Variants in WWTR1 observed in about 807,000 individuals in gnomAD.
WWTR1 encodes WW domain containing transcription regulator 1.
WWTR1 carries 13 observed loss-of-function variants against 40.1 expected under a neutral mutation model. The observed-to-expected ratio is 0.32, with a 90% CI of 0.21 to 0.52. The LOEUF (loss-of-function observed/expected upper bound fraction) is 0.52. WWTR1 is among the 20% of genes least tolerant of loss of function. WWTR1 has a pLI of 0.97. For synonymous variants in WWTR1, 230 were observed against 210.1 expected, an observed-to-expected ratio of 1.09 and a Z score of -0.82; for missense variants, 436 against 523.1, an observed-to-expected ratio of 0.83 and a Z score of 1.63.
At chr3:149,549,079 G>A (rs1004568328) in intron 3 of WWTR1, among the ~76,000 whole-genome samples, 3 of 152,152 alleles carry the variant, frequency 2.0e-5, no homozygotes, top group Admixed American at 2.0e-4. Flanking sequence ...ATGAAGGAGA[G>A]ACAAATCTCC....
intron 2 of WWTR1, 25 bp from the exon 3 acceptor site, chr3:149,573,025 A>T (rs371622113): frequency 6.4e-7 from 1 of 1,574,140 alleles, no homozygotes; most frequent in Admixed American, 2.0e-5. Context: ...ACAATTAATT[A>T]TCTTTTTAAT....
intron 1 of WWTR1, among the ~76,000 whole-genome samples, chr3:149,678,645 C>T (rs1384342967): frequency 6.6e-6 from 1 of 152,068 alleles, no homozygotes; most frequent in African/African-American, 2.4e-5. Flanking sequence ...TCTTTATGTA[C>T]CAGCTGCCAG....
chr3:149,651,448 A>C (rs1367489707), intron 2 of WWTR1, among the ~76,000 whole-genome samples: 2 of 152,216 alleles, frequency 1.3e-5, no homozygotes, highest in Non-Finnish European at 2.9e-5. Context: ...ACAGAACGAG[A>C]AAGGAATCTC....
At chr3:149,628,230 C>T (rs1208554828) in intron 2 of WWTR1, among the ~76,000 whole-genome samples, 36 of 151,940 alleles carry the variant, frequency 2.4e-4, no homozygotes, top group Admixed American at 1.0e-3. Context: ...ATTAGCTGGG[C>T]GTGGTGGCGG....
At chr3:149,678,252 T>C (rs957382481) in intron 1 of WWTR1, among the ~76,000 whole-genome samples, 2 of 152,194 alleles carry the variant, frequency 1.3e-5, no homozygotes, top group Non-Finnish European at 2.9e-5. Context: ...TTATAATTAC[T>C]GTGCAGCTAG....
rs370501407 is a variant in WWTR1 at position 149,640,669 on chromosome 3, C to T, written c.431+16207G>A. The stretch of plus-strand genomic sequence containing the variant: ...CTCCTGGCCTCAAGTAATCCACCCA[C>T]CTCGGCCTCCCAAAGTGCTGGTATT... On this transcript the variant is annotated intron_variant, in intron 2 of 6. Coordinates refer to ENST00000360632, the MANE Select transcript of WWTR1 (RefSeq NM_015472.6). Among the ~76,000 whole-genome samples the T allele has an allele frequency of 3.9e-5, 6 of 152,230 alleles. No homozygotes were observed. The South Asian group carries it at 1.0e-3, about 26-fold the overall frequency.
At chr3:149,522,897 CA>C (rs777751307) in intron 6 of WWTR1, among the ~76,000 whole-genome samples, 2 of 151,354 alleles carry the variant, frequency 1.3e-5, no homozygotes, top group African/African-American at 2.4e-5. Flanking sequence ...AACAAACAAA[CA>C]AAAAAACCCC....
Position 149,553,263 on chromosome 3 carries a change from G to T in WWTR1, c.569-10726C>A, listed in dbSNP as rs1462595622. 2.6e-5 allele frequency among the ~76,000 whole-genome samples: 4 copies of T among 152,256 alleles called. No homozygotes were observed. In the East Asian group the frequency reaches 5.8e-4, roughly 22 times the overall value. On this transcript the variant is annotated intron_variant, in intron 3 of 6. Transcript: ENST00000360632. ...CATGGATCACCAATTACTGCCCAAT[G>T]ATCACCAACGGATCACCAATCACTG...
At chr3:149,531,131 C>T (rs1044259630) in intron 4 of WWTR1, among the ~76,000 whole-genome samples, 4 of 152,100 alleles carry the variant, frequency 2.6e-5, no homozygotes, top group East Asian at 1.9e-4. Flanking sequence ...GATATGGTTG[C>T]GCCATGTTGC....
At chr3:149,712,882 G>A (rs1409836049) in intron 5 of WWTR1, among the ~76,000 whole-genome samples, 1 of 152,168 alleles carries the variant, frequency 6.6e-6, no homozygotes, top group African/African-American at 2.4e-5. Context: ...GCAAGATATA[G>A]ATATTATTAT....
chr3:149,692,824 G>T (rs1714868144), intron 1 of WWTR1, among the ~76,000 whole-genome samples: 1 of 151,958 alleles, frequency 6.6e-6, no homozygotes, highest in African/African-American at 2.4e-5. Flanking sequence ...TAGTAGAGAT[G>T]GGTTTTTACC....
chr3:149,530,080 G>A (rs1240438133), intron 4 of WWTR1, among the ~76,000 whole-genome samples: 2 of 152,126 alleles, frequency 1.3e-5, no homozygotes, highest in Admixed American at 6.5e-5. Context: ...CCGGGCGGTG[G>A]CTCACACCTG....
intron 2 of WWTR1, among the ~76,000 whole-genome samples, chr3:149,581,539 A>G (rs1185297872): frequency 1.3e-5 from 2 of 152,172 alleles, no homozygotes; most frequent in East Asian, 3.8e-4. Flanking sequence ...CTGATATATA[A>G]ATAGGGGATT....
chr3:149,521,142 C>A (rs1228673625), intron 6 of WWTR1, among the ~76,000 whole-genome samples, 153 bp from the exon 7 acceptor site: 4 of 152,028 alleles, frequency 2.6e-5, no homozygotes, highest in African/African-American at 7.2e-5. Flanking sequence ...TGGAAGAAAT[C>A]GAAAATTATT....
At chr3:149,612,533 C>G (rs999192625) in intron 2 of WWTR1, among the ~76,000 whole-genome samples, 1 of 152,096 alleles carries the variant, frequency 6.6e-6, no homozygotes, top group African/African-American at 2.4e-5. Flanking sequence ...TCGGATGAGT[C>G]CCTTAAAAGC....
intron 2 of WWTR1, among the ~76,000 whole-genome samples, chr3:149,594,683 T>A (rs1738892906): frequency 6.6e-6 from 1 of 151,846 alleles, no homozygotes; most frequent in Non-Finnish European, 1.5e-5. Context: ...AATATGTGAA[T>A]CTGATTGGAT....
chr3:149,641,528 C>T (rs182384703), intron 2 of WWTR1, among the ~76,000 whole-genome samples: 1 of 152,304 alleles, frequency 6.6e-6, no homozygotes, highest in East Asian at 1.9e-4. Context: ...TTAACTAGGG[C>T]CGGCCAATTG....
At chr3:149,612,544 C>A (rs753131430) in intron 2 of WWTR1, among the ~76,000 whole-genome samples, 1 of 152,008 alleles carries the variant, frequency 6.6e-6, no homozygotes, top group Non-Finnish European at 1.5e-5. Context: ...CCTTAAAAGC[C>A]CCTGTTGCCT....
At chr3:149,702,410 G>C (rs1316124352) in intron 1 of WWTR1, 1 of 151,738 alleles carries the variant, frequency 6.6e-6, no homozygotes. Context: ...TTAAATCCCA[G>C]TTCAGTCTTT....
Sources: gnomAD v4.1 joint callset for allele counts (sites outside exome capture counted in the v4.1 genomes callset) on GRCh38, gnomAD v4.1.1 for gene constraint, MANE v1.5 for transcripts, NCBI Gene and HGNC (gene_info 2026-07-23, HGNC 2026-07-21) for gene names.